The following PDE2A variants were observed in gnomAD, a reference collection of about 807,000 sequenced individuals.
PDE2A encodes cGMP-dependent 3',5'-cyclic phosphodiesterase.
PDE2A carries 53 observed loss-of-function variants against 133.6 expected under a neutral mutation model. The ratio of observed to expected loss-of-function variants is 0.40; its 90% CI spans 0.32 to 0.50. The LOEUF (loss-of-function observed/expected upper bound fraction) is 0.50. PDE2A is among the 20% of genes least tolerant of loss of function. The pLI, the probability that PDE2A is intolerant of heterozygous loss-of-function variation, is 0.73. For synonymous variants in PDE2A, 491 were observed against 490.2 expected (o/e 1.00, Z -0.02); for missense variants, 796 against 1,232.4 (o/e 0.65, Z 5.30).
chr11:72,602,093 G>A (rs1013809289), intron 4 of PDE2A, among the ~76,000 whole-genome samples: 1 of 152,144 alleles, frequency 6.6e-6, no homozygotes, highest in Non-Finnish European at 1.5e-5. Context: ...GACAGCTTCT[G>A]GTCAGGCCAT....
chr11:72,652,330 T>A (rs1471883135), intron 1 of PDE2A, among the ~76,000 whole-genome samples: 4 of 152,192 alleles, frequency 2.6e-5, no homozygotes, highest in Non-Finnish European at 4.4e-5. Flanking sequence ...CAGGCTGATC[T>A]GGAACTCCAG....
Position 72,637,997 on chromosome 11 carries a change from G to A in PDE2A, c.144+4257C>T, listed in dbSNP as rs78837210. Reference sequence around the variant, plus strand: ...GTCAGGACGGGTATGGATAGCTGGGGCTGGCAGGGAGCAGGTCCCCAGCTG... The same window carrying A: ...GTCAGGACGGGTATGGATAGCTGGGACTGGCAGGGAGCAGGTCCCCAGCTG... On this transcript the variant is annotated intron_variant, in intron 2 of 30. Coordinates refer to ENST00000334456, the MANE Select transcript of PDE2A (RefSeq NM_002599.5). 5.4e-3 allele frequency among the ~76,000 whole-genome samples: 824 copies of A among 152,282 alleles called. 1 individual carries two copies. Among genetic ancestry groups the A allele is most frequent in the African/African-American group, 0.019 (794 of 41,544 alleles).
chr11:72,610,855 C>T (rs1857182025), intron 2 of PDE2A, among the ~76,000 whole-genome samples: 1 of 152,192 alleles, frequency 6.6e-6, no homozygotes, highest in African/African-American at 2.4e-5. Flanking sequence ...CTCACTGGTA[C>T]AGTTCCTTAA....
At chr11:72,654,543 C>A (rs1037896518) in intron 1 of PDE2A, among the ~76,000 whole-genome samples, 2 of 151,800 alleles carry the variant, frequency 1.3e-5, no homozygotes, top group Non-Finnish European at 2.9e-5. Flanking sequence ...TGGGGTGGGT[C>A]CCCAGCCCTC....
Position 72,607,365 on chromosome 11 carries a change from C to T in PDE2A, c.234+1297G>A, listed in dbSNP as rs1035432759. ...TCAGTGGCCACAGAGGCTCTCGGGG[C>T]AGCCCTACAGAAACCGACCTGCCAG... is the stretch of plus-strand genomic sequence containing the variant. On this transcript the variant is annotated intron_variant, in intron 3 of 30. Transcript: ENST00000334456. Among the ~76,000 whole-genome samples the T allele has an allele frequency of 2.0e-5, 3 of 152,192 alleles. No homozygotes were observed. In the South Asian group the frequency reaches 6.2e-4, roughly 32 times the overall value.
intron 2 of PDE2A, chr11:72,631,231 G>A (rs1210391809): frequency 1.3e-5 from 13 of 986,132 alleles, no homozygotes; most frequent in South Asian, 3.4e-5. Context: ...GCAAGCCCAC[G>A]GATGGCCCCC....
chr11:72,620,706 TG>T (rs1487319720), intron 2 of PDE2A, among the ~76,000 whole-genome samples: 1 of 152,048 alleles, frequency 6.6e-6, no homozygotes, highest in Non-Finnish European at 1.5e-5. Context: ...AACCAAATTA[TG>T]GGGCTTTTTC....
intron 3 of PDE2A, 37 bp downstream of exon 3, chr11:72,608,625 G>A (rs1240094881): frequency 3.9e-6 from 4 of 1,015,064 alleles, no homozygotes; most frequent in Admixed American, 4.0e-5. Flanking sequence ...GGATTTGGGG[G>A]TGGGGTGGGA....
chr11:72,662,868 T>C (rs927976637), intron 1 of PDE2A, among the ~76,000 whole-genome samples: 1 of 152,126 alleles, frequency 6.6e-6, no homozygotes, highest in African/African-American at 2.4e-5. Flanking sequence ...TGCTTAAACT[T>C]TCCTCTGCTT....
At chr11:72,598,919 G>C (rs919329963) in intron 4 of PDE2A, 57 of 985,292 alleles carry the variant, frequency 5.8e-5, no homozygotes, top group Middle Eastern at 5.2e-4. Flanking sequence ...CCAGTTCCCG[G>C]CTGTCCACAT....
intron 1 of PDE2A, among the ~76,000 whole-genome samples, chr11:72,658,410 G>C (rs959900412): frequency 6.6e-6 from 1 of 152,096 alleles, no homozygotes; most frequent in African/African-American, 2.4e-5. Flanking sequence ...CACCTCCTCA[G>C]CCTGGAGGAG....
At chr11:72,659,791 G>A (rs1438805968) in intron 1 of PDE2A, among the ~76,000 whole-genome samples, 2 of 151,694 alleles carry the variant, frequency 1.3e-5, no homozygotes, top group Admixed American at 1.3e-4. Context: ...GGGCGGGTTT[G>A]TGGAAACACC....
In PDE2A at chr11:72,610,931, A is replaced by T. The variant is rs530386335; in HGVS notation, c.145-2180T>A. Among the ~76,000 whole-genome samples, 22 of 152,332 alleles carry T rather than the reference A, an allele frequency of 1.4e-4. No individual in the cohort carries two copies. The East Asian group carries it at 4.2e-3, about 29-fold the overall frequency. Reference sequence around the variant, plus strand: ...TACACGCAGGCTATTATGGCCTTCCAAGGTCAATTCTGAAGACTAAAAAGG... The same window carrying T: ...TACACGCAGGCTATTATGGCCTTCCTAGGTCAATTCTGAAGACTAAAAAGG... On this transcript the variant is annotated intron_variant, in intron 2 of 30. Coordinates refer to ENST00000334456, the MANE Select transcript of PDE2A (RefSeq NM_002599.5).
In PDE2A at chr11:72,590,354, G is replaced by A; in HGVS notation, c.703+73C>T. 1 of 1,538,130 alleles carries A rather than the reference G, an allele frequency of 6.5e-7. No homozygotes were observed. The highest frequency in any genetic ancestry group is 8.8e-7 in the Non-Finnish European group (1 of 1,136,318). On this transcript the variant is annotated intron_variant, in intron 8 of 30. Coordinates refer to ENST00000334456, the MANE Select transcript of PDE2A (RefSeq NM_002599.5). This position sits in a 1 kb window ranked among gnomAD's most constrained non-coding sequence, Gnocchi z 4.8. Reference sequence around the variant, plus strand: ...GGGCCCGCCGCCGGCTCCCGGGATCGCCTAACCCGCCCACCTCCCCTCCAA... The same window carrying A: ...GGGCCCGCCGCCGGCTCCCGGGATCACCTAACCCGCCCACCTCCCCTCCAA...
At chr11:72,632,749 A>G (rs1858470834) in intron 2 of PDE2A, among the ~76,000 whole-genome samples, 1 of 152,018 alleles carries the variant, frequency 6.6e-6, no homozygotes, top group Admixed American at 6.5e-5. Flanking sequence ...AGGGAGGGCC[A>G]GTTTCACTGG....
chr11:72,671,502 AC>A (rs975255557), intron 1 of PDE2A, among the ~76,000 whole-genome samples: 3 of 143,838 alleles, frequency 2.1e-5, no homozygotes, highest in African/African-American at 7.6e-5. Context: ...CCCCGCCCCC[AC>A]CCCCCACCAT....
rs1856221019 is a variant in PDE2A, at chr11:72,590,949, G to A, written c.549+348C>T. ...GAAAGAGCCTCAGTATCATTATGTGGAGGGTTCTTTCTAAGTACAGATGCT... is the reference window on the plus strand; with the variant it reads ...GAAAGAGCCTCAGTATCATTATGTGAAGGGTTCTTTCTAAGTACAGATGCT... On this transcript the variant is annotated intron_variant, in intron 7 of 30. Coordinates refer to ENST00000334456, the MANE Select transcript of PDE2A (RefSeq NM_002599.5). This position sits in a 1 kb window ranked among gnomAD's most constrained non-coding sequence, Gnocchi z 4.8. The A allele has an allele frequency of 5.7e-6, 2 of 350,792 alleles. No individual in the cohort carries two copies. Among genetic ancestry groups the A allele is most frequent in the Non-Finnish European group, 1.0e-5 (2 of 195,446 alleles). The allele number at this position is 350,792 out of a possible 1,614,324, so 21.7% of individuals were successfully genotyped here.
At chr11:72,622,347 T>C (rs990607994) in intron 2 of PDE2A, among the ~76,000 whole-genome samples, 45 of 152,216 alleles carry the variant, frequency 3.0e-4, no homozygotes, top group African/African-American at 1.0e-3. Flanking sequence ...GCAAGCGTAC[T>C]TCTAGGTATA....
chr11:72,595,478 A>C (rs1856438405), intron 6 of PDE2A, among the ~76,000 whole-genome samples: 1 of 152,120 alleles, frequency 6.6e-6, no homozygotes, highest in African/African-American at 2.4e-5. Flanking sequence ...TCAGTCAGGA[A>C]GATGGGTGCA....
Sources: gnomAD v4.1 joint callset for allele counts (sites outside exome capture counted in the v4.1 genomes callset) on GRCh38, gnomAD v4.1.1 for gene constraint, Gnocchi (gnomAD v3.1) non-coding constraint, MANE v1.5 for transcripts, NCBI Gene and HGNC (gene_info 2026-07-23, HGNC 2026-07-21) for gene names.